CCNJL: variants seen among roughly 807,000 people sequenced by gnomAD.
The protein encoded by CCNJL is cyclin J like, also known as cyclin-J-like protein.
A neutral mutation model predicts 33.4 loss-of-function variants in CCNJL; 33 were observed. The ratio of observed to expected loss-of-function variants is 0.99; its 90% CI spans 0.75 to 1.32. The LOEUF (loss-of-function observed/expected upper bound fraction) is 1.32. Ranked by LOEUF, CCNJL falls within the 40% of genes most tolerant of loss-of-function variation. CCNJL has a pLI of 0.00. For missense variants in CCNJL, 512 were observed against 499.7 expected, an observed-to-expected ratio of 1.02 and a Z score of -0.23; for synonymous variants, 227 against 220.9, an observed-to-expected ratio of 1.03 and a Z score of -0.24.
At chr5:160,254,262 G>C in intron 5 of CCNJL, 1 of 574,460 alleles carries the variant, frequency 1.7e-6, no homozygotes, top group Non-Finnish European at 3.1e-6. Context: ...CATCCCCAGC[G>C]GGGTCACTCC....
chr5:160,319,976 C>T (rs547195760), intron 1 of CCNJL, among the ~76,000 whole-genome samples: 4 of 152,140 alleles, frequency 2.6e-5, no homozygotes, highest in Admixed American at 1.3e-4. Context: ...ACATGGATAG[C>T]GGAGCTAACG....
chr5:160,330,320 G>T (rs558441981), intron 1 of CCNJL, among the ~76,000 whole-genome samples: 1 of 152,232 alleles, frequency 6.6e-6, no homozygotes, highest in Admixed American at 6.5e-5. Flanking sequence ...CCAGGTATTG[G>T]CATGTTCTCA....
In CCNJL at chr5:160,253,702, G is replaced by A. The variant is rs200539258; in HGVS notation, c.840C>T (p.Phe280=). 17 of 1,604,194 alleles carry A rather than the reference G, an allele frequency of 1.1e-5. No individual in the cohort carries two copies. Among genetic ancestry groups the A allele is most frequent in the Non-Finnish European group, 1.4e-5 (17 of 1,175,244 alleles). ...CGAGGGCCGGGTAGGCTGGTGGCTG[G>A]AACAGCACTTGAGTGGGGGTGGGGG... ...GTPPTPTQVL[F]QPPAYPALGQ... The change falls in exon 6 of 6, where the codon TTC becomes TTT. Residue 280 remains phenylalanine (F), a synonymous_variant. Transcript: ENST00000257536.
chr5:160,312,469 T>G lies in CCNJL; in HGVS notation c.-155A>C, dbSNP rs935720740. The G allele has an allele frequency of 6.6e-6, 1 of 151,792 alleles. No individual in the cohort carries two copies. The highest frequency in any genetic ancestry group is 2.4e-5 in the African/African-American group (1 of 41,292). 9.4% of individuals were successfully genotyped at this position (151,792 alleles called of 1,614,324 possible). A position where few individuals can be genotyped will look rare whatever the true frequency, so the allele number is the denominator to read the frequency against. On this transcript the variant is annotated 5_prime_UTR_variant, in exon 1 of 6. Transcript: ENST00000257536. ...GCGGTTGGACCCTCGTCCGAGGCGC[T>G]CCGCACTCCCGACGGCCGCCTCCGC...
chr5:160,321,076 TTCTTTCTTTCTTTCCTTCTC>T, intron 1 of CCNJL, among the ~76,000 whole-genome samples: 1 of 92,382 alleles, frequency 1.1e-5, no homozygotes, highest in African/African-American at 7.6e-5. Flanking sequence ...CTTTCTTTCT[TTCTTTCTTTCTTTCCTTCTC>T]TCTTTCTCTC....
chr5:160,335,276 AT>A (rs1479927352), intron 1 of CCNJL, among the ~76,000 whole-genome samples: 7 of 152,304 alleles, frequency 4.6e-5, no homozygotes, highest in African/African-American at 1.7e-4. Context: ...GAAAAATTAC[AT>A]TTTAATATAT....
rs1487627272 is a variant in CCNJL, at chr5:160,251,309, G to C, written c.*2069C>G. On this transcript the variant is annotated 3_prime_UTR_variant, in exon 6 of 6. Coordinates refer to ENST00000257536, the MANE Select transcript of CCNJL (RefSeq NM_001308173.3). ...TCTACTGCAACATCAGCTCTTACCT[G>C]AATTTCCAGCCTGCTGACATGCCCC... 1 of 152,216 alleles carries C rather than the reference G, an allele frequency of 6.6e-6. No individual in the cohort carries two copies. Among genetic ancestry groups the C allele is most frequent in the Non-Finnish European group, 1.5e-5 (1 of 68,056 alleles). The allele number at this position is 152,216 out of a possible 1,614,324, so 9.4% of individuals were successfully genotyped here.
At chr5:160,278,933 A>T (rs1762113425) in intron 3 of CCNJL, among the ~76,000 whole-genome samples, 1 of 152,244 alleles carries the variant, frequency 6.6e-6, no homozygotes, top group African/African-American at 2.4e-5. Flanking sequence ...CAGGCTGGAC[A>T]CCCAGCAAGA....
At chr5:160,330,515 T>C (rs1194193319) in intron 1 of CCNJL, among the ~76,000 whole-genome samples, 1 of 152,094 alleles carries the variant, frequency 6.6e-6, no homozygotes, top group Non-Finnish European at 1.5e-5. Context: ...TCACTGCCAT[T>C]CTCTTCTCCA....
At chr5:160,316,056 C>T (rs1763376272), upstream of CCNJL, among the ~76,000 whole-genome samples, 1 of 152,198 alleles carries the variant, frequency 6.6e-6, no homozygotes, top group African/African-American at 2.4e-5. Flanking sequence ...ACTCATTCCA[C>T]ACCCCTTTGT....
intron 3 of CCNJL, 33 bp downstream of exon 3, chr5:160,280,492 C>T (rs775808580): frequency 6.4e-7 from 1 of 1,569,876 alleles, no homozygotes; most frequent in Non-Finnish European, 8.7e-7. Context: ...GGAGACCGCA[C>T]AAGCGCGGAG....
chr5:160,331,690 G>T (rs887481566), intron 1 of CCNJL, among the ~76,000 whole-genome samples: 3 of 152,122 alleles, frequency 2.0e-5, no homozygotes, highest in Non-Finnish European at 4.4e-5. Flanking sequence ...TTCAACCCAG[G>T]TTCAATACAG....
chr5:160,308,586 C>T (rs745530803), intron 2 of CCNJL, among the ~76,000 whole-genome samples: 2 of 152,122 alleles, frequency 1.3e-5, no homozygotes, highest in Non-Finnish European at 2.9e-5. Flanking sequence ...GGTGAAACCC[C>T]GTCTCTACTA....
intron 4 of CCNJL, among the ~76,000 whole-genome samples, chr5:160,257,867 A>G (rs1287061682): frequency 6.7e-6 from 1 of 148,840 alleles, no homozygotes; most frequent in African/African-American, 2.5e-5. Context: ...TTTTTTTTAG[A>G]TGGAGTCTTG....
chr5:160,322,193 G>A (rs2113474212), intron 1 of CCNJL, among the ~76,000 whole-genome samples: 1 of 152,292 alleles, frequency 6.6e-6, no homozygotes, highest in Middle Eastern at 3.4e-3. Flanking sequence ...CACCTAAAGG[G>A]TGAAGTTCCC....
At chr5:160,299,176 T>G (rs1762846784) in intron 2 of CCNJL, among the ~76,000 whole-genome samples, 1 of 151,530 alleles carries the variant, frequency 6.6e-6, no homozygotes, top group Admixed American at 6.6e-5. Flanking sequence ...TTGAGATGAG[T>G]TTCCCTCTTG....
rs1476471500 is a variant in CCNJL at position 160,253,780 on chromosome 5, G to A, written c.762C>T (p.Leu254=). 5.9e-6 allele frequency: 9 copies of A among 1,520,332 alleles called. No homozygotes were observed. The South Asian group carries it at 1.0e-4, about 17-fold the overall frequency. The allele number at this position is 1,520,332 out of a possible 1,614,324, so 94.2% of individuals were successfully genotyped here. Reference sequence around the variant, plus strand: ...GGCTCTTGACGGCTACGGCATCCTTGAGGACGTTGTCATACACTCTGAAAC... The same window carrying A: ...GGCTCTTGACGGCTACGGCATCCTTAAGGACGTTGTCATACACTCTGAAAC... The part of the protein sequence containing the change: ...EILLVVYDNV[L]KDAVAVKSQA... The change falls in exon 6 of 6, where the codon CTC becomes CTT. Residue 254 remains leucine, a synonymous_variant. Coordinates refer to ENST00000257536, the MANE Select transcript of CCNJL (RefSeq NM_001308173.3).
chr5:160,319,310 C>G (rs1343312472), intron 1 of CCNJL, among the ~76,000 whole-genome samples: 1 of 152,168 alleles, frequency 6.6e-6, no homozygotes, highest in Non-Finnish European at 1.5e-5. Context: ...AGTCACCCAT[C>G]TCCTTTGTGA....
intron 2 of CCNJL, among the ~76,000 whole-genome samples, chr5:160,292,105 G>A (rs984012318): frequency 2.6e-5 from 4 of 152,144 alleles, no homozygotes; most frequent in East Asian, 1.9e-4. Flanking sequence ...TGCTTCCTCC[G>A]TGGAAACCCT....
Sources: gnomAD v4.1 joint callset for allele counts (sites outside exome capture counted in the v4.1 genomes callset) on GRCh38, gnomAD v4.1.1 for gene constraint, MANE v1.5 for transcripts, NCBI Gene and HGNC (gene_info 2026-07-23, HGNC 2026-07-21) for gene names.